ST6GALNAC3: variants seen among roughly 807,000 people sequenced by gnomAD.
The protein encoded by ST6GALNAC3 is ST6 N-acetylgalactosaminide alpha-2,6-sialyltransferase 3, also known as alpha-N-acetylgalactosaminide alpha-2,6-sialyltransferase 3.
A neutral mutation model predicts 32.7 loss-of-function variants in ST6GALNAC3; 25 were observed. The observed-to-expected ratio is 0.76, with a 90% CI of 0.56 to 1.07. The LOEUF (loss-of-function observed/expected upper bound fraction) is 1.07. ST6GALNAC3 is among the 50% of genes least tolerant of loss of function. The pLI, the probability that ST6GALNAC3 is intolerant of heterozygous loss-of-function variation, is 0.00. For missense variants in ST6GALNAC3, 355 were observed against 382.4 expected, an observed-to-expected ratio of 0.93 and a Z score of 0.60; for synonymous variants, 129 against 133.1, an observed-to-expected ratio of 0.97 and a Z score of 0.21.
chr1:76,186,081 A>C (rs562157114), intron 1 of ST6GALNAC3, among the ~76,000 whole-genome samples: 3 of 152,136 alleles, frequency 2.0e-5, no homozygotes, highest in Non-Finnish European at 4.4e-5. Flanking sequence ...TGGAGGGACC[A>C]CTGTTCTCTT....
chr1:76,538,434 G>A (rs1321157601), intron 3 of ST6GALNAC3, among the ~76,000 whole-genome samples: 1 of 152,094 alleles, frequency 6.6e-6, no homozygotes, highest in Non-Finnish European at 1.5e-5. Context: ...GCAAAAACTG[G>A]AAGCATTCCT....
intron 3 of ST6GALNAC3, among the ~76,000 whole-genome samples, chr1:76,600,884 A>C (rs573856934): frequency 1.2e-4 from 18 of 152,136 alleles, no homozygotes; most frequent in African/African-American, 4.3e-4. Context: ...GATGCCACCT[A>C]AAAAATATTC....
chr1:76,255,565 T>A (rs1159273080), intron 1 of ST6GALNAC3, among the ~76,000 whole-genome samples: 1 of 152,144 alleles, frequency 6.6e-6, no homozygotes, highest in Non-Finnish European at 1.5e-5. Flanking sequence ...TTTGTTCAGT[T>A]GGTACAAAGT....
intron 1 of ST6GALNAC3, among the ~76,000 whole-genome samples, chr1:76,299,543 AAG>A (rs1170999947): frequency 6.6e-6 from 1 of 151,994 alleles, no homozygotes; most frequent in Non-Finnish European, 1.5e-5. Context: ...AATTCTGCAA[AAG>A]AGAAATTCTT....
intron 1 of ST6GALNAC3, among the ~76,000 whole-genome samples, chr1:76,108,458 A>G (rs1446800218): frequency 2.6e-5 from 4 of 152,180 alleles, no homozygotes; most frequent in Non-Finnish European, 5.9e-5. Context: ...GTTTAATCAC[A>G]TTCTAATCTC....
At chr1:76,307,858 A>G in intron 1 of ST6GALNAC3, 2 of 513,292 alleles carry the variant, frequency 3.9e-6, no homozygotes, top group South Asian at 2.8e-5. Context: ...CTCCCAAAAT[A>G]ATGGATTTTC....
chr1:76,160,421 A>G (rs1651735035), intron 1 of ST6GALNAC3, among the ~76,000 whole-genome samples: 1 of 152,160 alleles, frequency 6.6e-6, no homozygotes, highest in Non-Finnish European at 1.5e-5. Flanking sequence ...AGGCCTCGCA[A>G]TAGTCTAGGT....
chr1:76,383,637 A>G (rs1246565933), intron 2 of ST6GALNAC3, among the ~76,000 whole-genome samples: 1 of 152,164 alleles, frequency 6.6e-6, no homozygotes, highest in Non-Finnish European at 1.5e-5. Context: ...GGAAGTACAG[A>G]AATGAAAGAA....
intron 2 of ST6GALNAC3, among the ~76,000 whole-genome samples, chr1:76,341,670 T>TTTCTTTCTTTCTTTCC (rs1557803895): frequency 9.1e-5 from 13 of 142,512 alleles, no homozygotes; most frequent in Admixed American, 6.9e-5. Context: ...TCTTTCTTTC[T>TTTCTTTCTTTCTTTCC]TTCTTTCTTT....
At chr1:76,112,775 C>G (rs567855012) in intron 1 of ST6GALNAC3, among the ~76,000 whole-genome samples, 2 of 149,230 alleles carry the variant, frequency 1.3e-5, no homozygotes, top group Non-Finnish European at 3.0e-5. Flanking sequence ...ACATCTCAGA[C>G]GATGGGCGGC....
chr1:76,328,248 A>G (rs373234905), intron 2 of ST6GALNAC3, among the ~76,000 whole-genome samples: 2 of 152,306 alleles, frequency 1.3e-5, no homozygotes, highest in Non-Finnish European at 1.5e-5. Flanking sequence ...TCACCTGCCT[A>G]TAACTCTCAT....
In ST6GALNAC3 at chr1:76,596,754, A is replaced by G. The variant is rs542051192; in HGVS notation, c.624-30698A>G. On this transcript the variant is annotated intron_variant, in intron 3 of 4. Transcript: ENST00000328299. Reference sequence around the variant, plus strand: ...TTCTCTACATTTCCTATGTCAGAACATTTGCAGTAACTGTTGCTATCAATG... The same window carrying G: ...TTCTCTACATTTCCTATGTCAGAACGTTTGCAGTAACTGTTGCTATCAATG... 1.9e-4 allele frequency among the ~76,000 whole-genome samples: 29 copies of G among 152,266 alleles called. No individual in the cohort carries two copies. In the South Asian group the frequency reaches 5.2e-3, roughly 27 times the overall value.
At chr1:76,333,696 C>T (rs890918082) in intron 2 of ST6GALNAC3, among the ~76,000 whole-genome samples, 6 of 152,112 alleles carry the variant, frequency 3.9e-5, no homozygotes, top group African/African-American at 1.4e-4. Context: ...TTTCTATATA[C>T]ACTATAAAAT....
chr1:76,284,821 T>C (rs1659688782), intron 1 of ST6GALNAC3, among the ~76,000 whole-genome samples: 2 of 152,130 alleles, frequency 1.3e-5, no homozygotes, highest in Admixed American at 6.5e-5. Context: ...TTGAACTTGC[T>C]TCACACCATA....
At chr1:76,190,145 G>A (rs1044083564) in intron 1 of ST6GALNAC3, among the ~76,000 whole-genome samples, 1 of 152,074 alleles carries the variant, frequency 6.6e-6, no homozygotes, top group Non-Finnish European at 1.5e-5. Context: ...CATTTCACCT[G>A]TAAAGTAATT....
At chr1:76,576,946 G>C (rs28439552) in intron 3 of ST6GALNAC3, 251,184 of 1,268,966 alleles carry the variant, frequency 0.2, 25,296 homozygotes, top group Middle Eastern at 0.24. Flanking sequence ...AAGAAAGAAA[G>C]AAACAAACAA....
At chr1:76,361,193 C>G (rs369009526) in intron 2 of ST6GALNAC3, among the ~76,000 whole-genome samples, 1 of 152,052 alleles carries the variant, frequency 6.6e-6, no homozygotes, top group East Asian at 1.9e-4. Flanking sequence ...TCTTGCAGAA[C>G]TAAAACTCCA....
At chr1:76,104,628 G>A (rs1412814158) in intron 1 of ST6GALNAC3, among the ~76,000 whole-genome samples, 1 of 128,004 alleles carries the variant, frequency 7.8e-6, no homozygotes, top group South Asian at 2.4e-4. Context: ...TTTTTTTTTA[G>A]ATTTGAGGTG....
At chr1:76,440,103 G>A (rs1426215372) in intron 3 of ST6GALNAC3, among the ~76,000 whole-genome samples, 1 of 152,184 alleles carries the variant, frequency 6.6e-6, no homozygotes. Flanking sequence ...AAAAGATATT[G>A]TGGACTTTTT....
Sources: allele counts gnomAD v4.1 joint callset (sites outside exome capture counted in the v4.1 genomes callset), GRCh38; gene constraint gnomAD v4.1.1; transcripts MANE v1.5; gene names NCBI Gene and HGNC (gene_info 2026-07-23, HGNC 2026-07-21).